REV3L: variants seen among roughly 807,000 people sequenced by gnomAD.
REV3L encodes REV3 like, DNA directed polymerase zeta catalytic subunit, also known as DNA polymerase zeta catalytic subunit.
Under a neutral mutation model 299.4 loss-of-function variants are expected in REV3L, and 69 were observed. The ratio of observed to expected loss-of-function variants is 0.23; its 90% CI spans 0.19 to 0.28. REV3L has a LOEUF of 0.28. Among genes scored for constraint, REV3L ranks in the 10% least tolerant of loss-of-function variants. REV3L has a pLI of 1.00. For synonymous variants in REV3L, 1,238 were observed against 1,271.4 expected (o/e 0.97, Z 0.56); for missense variants, 3,128 against 3,693.8 (o/e 0.85, Z 3.97).
intron 1 of REV3L, chr6:111,472,231 A>G (rs1341487766): frequency 3.2e-6 from 2 of 634,104 alleles, no homozygotes; most frequent in South Asian, 2.6e-5. Flanking sequence ...ACATATCAAC[A>G]TGTATTCTTA....
In REV3L at chr6:111,376,481, A is replaced by G. The variant is rs1467947627; in HGVS notation, c.1874T>C (p.Met625Thr). 1.9e-6 allele frequency: 3 copies of G among 1,613,546 alleles called. No individual in the cohort carries two copies. The highest frequency in any genetic ancestry group is 4.5e-5 in the East Asian group (2 of 44,842). Residue 625 changes from methionine (M) to threonine (T), a missense_variant, in exon 13 of 32, where the codon ATG (methionine) becomes ACG (threonine). Coordinates refer to ENST00000368802, the MANE Select transcript of REV3L (RefSeq NM_001372078.1). ...TSFTNESTYS[M>T]KYPGSLSSTV... ...ACTGCTTAAAGATCCAGGGTATTTC[A>G]TAGAATAAGTGCTTTCGTTTGTAAA...
intron 25 of REV3L, among the ~76,000 whole-genome samples, chr6:111,324,187 A>G (rs1185089378): frequency 6.6e-6 from 1 of 152,078 alleles, no homozygotes; most frequent in Admixed American, 6.5e-5. Context: ...TTTAGTAGAC[A>G]GGGTTTTGCC....
intron 17 of REV3L, among the ~76,000 whole-genome samples, chr6:111,357,930 G>A (rs17511090): frequency 6.8e-6 from 1 of 147,404 alleles, no homozygotes; most frequent in Non-Finnish European, 1.5e-5. Flanking sequence ...AACTGCCAAA[G>A]TGACAGCAAC....
At chr6:111,338,837 A>G (rs1458748727) in intron 21 of REV3L, among the ~76,000 whole-genome samples, 1 of 152,170 alleles carries the variant, frequency 6.6e-6, no homozygotes, top group Non-Finnish European at 1.5e-5. Context: ...CTCTTTTTAA[A>G]AAGTGGAAAT....
chr6:111,426,352 C>T (rs1786182217), intron 1 of REV3L, among the ~76,000 whole-genome samples: 1 of 152,208 alleles, frequency 6.6e-6, no homozygotes, highest in Non-Finnish European at 1.5e-5. Flanking sequence ...TTAAATCTTA[C>T]TTTCTCCTTA....
chr6:111,387,568 AAC>A (rs1227635732), intron 9 of REV3L, among the ~76,000 whole-genome samples, 195 bp downstream of exon 9: 5 of 152,212 alleles, frequency 3.3e-5, no homozygotes, highest in African/African-American at 1.2e-4. Flanking sequence ...TATATATGGT[AAC>A]AGTTTGCACT....
At chr6:111,475,095 T>C (rs1792772950) in intron 1 of REV3L, among the ~76,000 whole-genome samples, 1 of 151,754 alleles carries the variant, frequency 6.6e-6, no homozygotes, top group South Asian at 2.1e-4. Context: ...ATATATATTT[T>C]AACCACACGA....
intron 13 of REV3L, among the ~76,000 whole-genome samples, chr6:111,372,388 G>A (rs976927711): frequency 6.6e-6 from 1 of 152,126 alleles, no homozygotes. Context: ...TTCTCTAGGT[G>A]TAACCATCCA....
intron 1 of REV3L, among the ~76,000 whole-genome samples, chr6:111,481,745 C>T (rs1314734274): frequency 6.6e-6 from 1 of 152,156 alleles, no homozygotes; most frequent in African/African-American, 2.4e-5. Flanking sequence ...TTCATGGAAG[C>T]AGTTCAAAGC....
At position 111,456,943 on chromosome 6, in the gene REV3L, AT is replaced by A. The variant is rs908080172; in HGVS notation, c.139+25806del. Among the ~76,000 whole-genome samples, 5 of 152,256 alleles carry A rather than the reference AT, an allele frequency of 3.3e-5. 1 individual carries two copies. The East Asian group carries it at 5.8e-4, about 18-fold the overall frequency. On this transcript the variant is annotated intron_variant, in intron 1 of 31. Transcript: ENST00000368802. ...AAAAAGTCTGAATCTACTCAAAAAAATCTCCACACTTTGATATTTCTAAGTT... is the reference window on the plus strand; with the variant it reads ...AAAAAGTCTGAATCTACTCAAAAAAACTCCACACTTTGATATTTCTAAGTT...
chr6:111,389,344 C>T, intron 6 of REV3L, 134 bp from the exon 7 acceptor site: 2 of 673,560 alleles, frequency 3.0e-6, no homozygotes, highest in Non-Finnish European at 5.1e-6. Context: ...GACAAATTAT[C>T]CCAACCTACA....
chr6:111,349,769 A>T (rs1052707151), intron 19 of REV3L, among the ~76,000 whole-genome samples: 21 of 152,338 alleles, frequency 1.4e-4, no homozygotes, highest in African/African-American at 4.8e-4. Flanking sequence ...TTAGCATGAG[A>T]AAGATCCACA....
chr6:111,426,226 T>C (rs766889464), intron 1 of REV3L, among the ~76,000 whole-genome samples: 1 of 152,222 alleles, frequency 6.6e-6, no homozygotes, highest in South Asian at 2.1e-4. Flanking sequence ...ACACCCACAG[T>C]TGATGTCAGA....
chr6:111,363,821 CA>C (rs1364509411), intron 16 of REV3L, 31 bp downstream of exon 16: 1 of 1,604,354 alleles, frequency 6.2e-7, no homozygotes, highest in Non-Finnish European at 8.5e-7. Context: ...AAACTGAACA[CA>C]ATGTATGTGT....
At position 111,380,234 on chromosome 6, in the gene REV3L, C is replaced by A. The variant is rs889579716; in HGVS notation, c.1217-15G>T. 8.0e-6 allele frequency: 12 copies of A among 1,498,002 alleles called. No homozygotes were observed. Among genetic ancestry groups the A allele is most frequent in the East Asian group, 4.5e-5 (2 of 44,306 alleles). 92.8% of individuals were successfully genotyped at this position (1,498,002 alleles called of 1,614,324 possible). A position where few individuals can be genotyped will look rare whatever the true frequency, so the allele number is the denominator to read the frequency against. On this transcript the variant is annotated splice_polypyrimidine_tract_variant and intron_variant, in intron 10 of 31. Transcript: ENST00000368802. ...ACTACTGTCCACTATAAAACAAGTA[C>A]AATAATCACCAACAAATAAGTTTTC...
Position 111,390,041 on chromosome 6 carries a change from A to T in REV3L, c.757+45T>A, listed in dbSNP as rs17539455. On this transcript the variant is annotated intron_variant, in intron 6 of 31. Transcript: ENST00000368802. ...GAGCCACCACACCCGCCGGTCATTA[A>T]TTTTAAAAAATAAAAACATATATTA... 5.1e-3 allele frequency: 7,201 copies of T among 1,399,132 alleles called. 43 individuals are homozygous for T. The highest frequency in any genetic ancestry group is 6.6e-3 in the Non-Finnish European group (6,550 of 996,448). The allele number at this position is 1,399,132 out of a possible 1,614,324, so 86.7% of individuals were successfully genotyped here.
chr6:111,435,872 T>C (rs144974622), intron 1 of REV3L, among the ~76,000 whole-genome samples: 32 of 152,248 alleles, frequency 2.1e-4, no homozygotes, highest in African/African-American at 7.7e-4. Context: ...ATAAAGACAA[T>C]TCATAAAATG....
chr6:111,327,617 T>C (rs993297892), intron 25 of REV3L, among the ~76,000 whole-genome samples: 44 of 152,086 alleles, frequency 2.9e-4, no homozygotes, highest in African/African-American at 1.1e-3. Flanking sequence ...ATTTTTTTTT[T>C]CCTGCTAGAT....
intron 25 of REV3L, 21 bp from the exon 26 acceptor site, chr6:111,322,699 G>C: frequency 6.3e-7 from 1 of 1,577,518 alleles, no homozygotes; most frequent in Non-Finnish European, 8.7e-7. Context: ...AAACACATTG[G>C]AAATAATTTC....
Sources: allele counts gnomAD v4.1 joint callset (sites outside exome capture counted in the v4.1 genomes callset), GRCh38; gene constraint gnomAD v4.1.1; transcripts MANE v1.5; gene names NCBI Gene and HGNC (gene_info 2026-07-23, HGNC 2026-07-21).